Variants in CNTN5 observed in about 807,000 individuals in gnomAD.
CNTN5 encodes contactin-5.
Under a neutral mutation model 129.1 loss-of-function variants are expected in CNTN5, and 77 were observed. That is an observed-to-expected ratio of 0.60 (90% CI 0.50 to 0.72). CNTN5 has a LOEUF of 0.72. Ranked by LOEUF, CNTN5 falls within the 30% of genes least tolerant of loss-of-function variation. CNTN5 has a pLI of 0.00. For synonymous variants in CNTN5, 509 were observed against 465.6 expected (o/e 1.09, Z -1.20); for missense variants, 1,478 against 1,328.8 (o/e 1.11, Z -1.75).
At chr11:99,993,541 C>T (rs763832789) in intron 8 of CNTN5, among the ~76,000 whole-genome samples, 46 of 152,144 alleles carry the variant, frequency 3.0e-4, no homozygotes, top group Non-Finnish European at 5.6e-4. Flanking sequence ...TTTAGATTCT[C>T]ATAAGGATTA....
At chr11:99,281,342 G>T (rs1863685242) in intron 1 of CNTN5, among the ~76,000 whole-genome samples, 1 of 151,924 alleles carries the variant, frequency 6.6e-6, no homozygotes, top group African/African-American at 2.4e-5. Flanking sequence ...AAACAAAACT[G>T]CCAGATCTAG....
intron 3 of CNTN5, among the ~76,000 whole-genome samples, chr11:99,774,332 G>T (rs1221744796): frequency 2.0e-5 from 3 of 146,470 alleles, no homozygotes; most frequent in Non-Finnish European, 3.0e-5. Flanking sequence ...AAAACTTCAG[G>T]TTTTTTTTTT....
intron 1 of CNTN5, among the ~76,000 whole-genome samples, chr11:99,281,173 A>T (rs1214589051): frequency 6.6e-6 from 1 of 151,964 alleles, no homozygotes; most frequent in Non-Finnish European, 1.5e-5. Context: ...TTCAGACAGG[A>T]CAAAGAGAAA....
intron 8 of CNTN5, among the ~76,000 whole-genome samples, chr11:99,991,552 A>T (rs1053713569): frequency 1.3e-5 from 2 of 152,186 alleles, no homozygotes; most frequent in Non-Finnish European, 2.9e-5. Flanking sequence ...AATAACCAAA[A>T]TAGGGAATTC....
At chr11:99,210,613 C>T (rs1374108663) in intron 1 of CNTN5, among the ~76,000 whole-genome samples, 2 of 152,008 alleles carry the variant, frequency 1.3e-5, no homozygotes, top group African/African-American at 2.4e-5. Context: ...TTCCCATTCC[C>T]TGGTCCAAAT....
intron 6 of CNTN5, among the ~76,000 whole-genome samples, chr11:99,900,585 A>G (rs1344920588): frequency 6.6e-6 from 1 of 151,792 alleles, no homozygotes; most frequent in Non-Finnish European, 1.5e-5. Flanking sequence ...GTTGTTTAAC[A>G]TGATCTTTTT....
intron 6 of CNTN5, among the ~76,000 whole-genome samples, chr11:99,915,577 T>G (rs149564347): frequency 5.3e-5 from 8 of 152,168 alleles, no homozygotes; most frequent in Non-Finnish European, 1.2e-4. Context: ...CTATATTTTG[T>G]TAGAGCATAC....
intron 20 of CNTN5, 92 bp downstream of exon 20, chr11:100,299,488 A>G (rs1951172917): frequency 1.4e-6 from 1 of 708,632 alleles, no homozygotes; most frequent in African/African-American, 1.9e-5. Context: ...GAAAATACAA[A>G]TAAGGCAAAA....
At chr11:99,189,420 A>T (rs1342349445) in intron 1 of CNTN5, among the ~76,000 whole-genome samples, 3 of 151,612 alleles carry the variant, frequency 2.0e-5, no homozygotes, top group Middle Eastern at 3.2e-3. Flanking sequence ...TTGCTTGGTC[A>T]TATGGCACTT....
At chr11:99,457,532 T>C (rs1308540734) in intron 2 of CNTN5, among the ~76,000 whole-genome samples, 2 of 151,756 alleles carry the variant, frequency 1.3e-5, no homozygotes, top group Non-Finnish European at 3.0e-5. Context: ...AAAAGAAGGA[T>C]AGAAAGGTAT....
intron 1 of CNTN5, among the ~76,000 whole-genome samples, chr11:99,113,776 A>G (rs532730096): frequency 2.0e-5 from 3 of 152,276 alleles, no homozygotes; most frequent in East Asian, 3.9e-4. Context: ...AGCCTCTGCT[A>G]CACCATTTCT....
chr11:99,886,225 C>T (rs1353960446), intron 6 of CNTN5, among the ~76,000 whole-genome samples: 1 of 151,902 alleles, frequency 6.6e-6, no homozygotes, highest in Non-Finnish European at 1.5e-5. Flanking sequence ...ATATTAATAA[C>T]TCTTATTTAA....
intron 21 of CNTN5, among the ~76,000 whole-genome samples, chr11:100,310,392 G>A (rs1951448207): frequency 6.6e-6 from 1 of 151,862 alleles, no homozygotes; most frequent in South Asian, 2.1e-4. Flanking sequence ...GATTCACCGT[G>A]TTGACATCTC....
chr11:99,042,722 T>C (rs141261627), intron 1 of CNTN5, among the ~76,000 whole-genome samples: 3 of 152,252 alleles, frequency 2.0e-5, no homozygotes, highest in African/African-American at 7.2e-5. Context: ...TTCATGTATT[T>C]AGCAAGCAGT....
chr11:99,153,815 C>CTTTTTTTTTTTTTTTTTTT (rs60782977), intron 1 of CNTN5, among the ~76,000 whole-genome samples: 2 of 103,344 alleles, frequency 1.9e-5, no homozygotes, highest in Non-Finnish European at 3.6e-5. Context: ...CTTTGAATGG[C>CTTTTTTTTTTTTTTTTTTT]TTTTTTTTTT....
rs1438388281 is a variant in CNTN5, at chr11:99,600,708, A to G, written c.55+44439A>G. ...CAGTTTTTTCAAACAATTTTTATACAAGGTTATCCACCAGTGTTGGAGCAC... is the reference window on the plus strand; with the variant it reads ...CAGTTTTTTCAAACAATTTTTATACGAGGTTATCCACCAGTGTTGGAGCAC... On this transcript the variant is annotated intron_variant, in intron 3 of 24. Coordinates refer to ENST00000524871, the MANE Select transcript of CNTN5 (RefSeq NM_014361.4). Among the ~76,000 whole-genome samples, 4 of 152,170 alleles carry G rather than the reference A, an allele frequency of 2.6e-5. No homozygotes were observed. In the South Asian group the frequency reaches 8.3e-4, roughly 31 times the overall value.
At chr11:99,320,702 A>G (rs1300100489) in intron 1 of CNTN5, among the ~76,000 whole-genome samples, 2 of 152,180 alleles carry the variant, frequency 1.3e-5, no homozygotes, top group Admixed American at 1.3e-4. Flanking sequence ...TATTCAATAT[A>G]GTTGTACTGT....
chr11:99,044,741 G>T (rs189748835), intron 1 of CNTN5, among the ~76,000 whole-genome samples: 6 of 152,284 alleles, frequency 3.9e-5, no homozygotes, highest in African/African-American at 1.4e-4. Flanking sequence ...CCAAAGCAGG[G>T]TCCTCTGTAA....
intron 3 of CNTN5, among the ~76,000 whole-genome samples, chr11:99,731,580 T>C (rs993253125): frequency 2.6e-5 from 4 of 152,188 alleles, no homozygotes; most frequent in Admixed American, 2.6e-4. Flanking sequence ...ATCAGAAATA[T>C]ATTTTTTTAA....
Sources: gnomAD v4.1 joint callset for allele counts (sites outside exome capture counted in the v4.1 genomes callset) on GRCh38, gnomAD v4.1.1 for gene constraint, MANE v1.5 for transcripts, NCBI Gene and HGNC (gene_info 2026-07-23, HGNC 2026-07-21) for gene names.